Variants in EML6 observed in about 807,000 individuals in gnomAD.
EML6 encodes the protein EMAP like 6.
A neutral mutation model predicts 240.1 loss-of-function variants in EML6; 154 were observed. The observed-to-expected ratio is 0.64, with a 90% CI of 0.56 to 0.73. The LOEUF (loss-of-function observed/expected upper bound fraction) is 0.73. Ranked by LOEUF, EML6 falls within the 30% of genes least tolerant of loss-of-function variation. The pLI is 0.00. For synonymous variants in EML6, 1,148 were observed against 899.0 expected (o/e 1.28, Z -4.95); for missense variants, 2,964 against 2,474.6 (o/e 1.20, Z -4.20).
chr2:54,927,287 G>A (rs1040537626), intron 26 of EML6, among the ~76,000 whole-genome samples: 1 of 152,168 alleles, frequency 6.6e-6, no homozygotes, highest in Non-Finnish European at 1.5e-5. Flanking sequence ...GTATTACAAA[G>A]TCACGAACCC....
intron 17 of EML6, among the ~76,000 whole-genome samples, chr2:54,886,612 G>A (rs1017182470): frequency 5.3e-5 from 8 of 152,142 alleles, no homozygotes; most frequent in African/African-American, 1.9e-4. Context: ...GCCAACACTT[G>A]TTATTGTCTG....
At chr2:54,887,925 C>G (rs1573075344) in intron 17 of EML6, among the ~76,000 whole-genome samples, 1 of 152,168 alleles carries the variant, frequency 6.6e-6, no homozygotes, top group East Asian at 1.9e-4. Flanking sequence ...ATCATTATCA[C>G]CCGAAGTCCG....
chr2:54,795,149 A>G lies in EML6; in HGVS notation c.198-18083A>G, dbSNP rs1006651552. 1.1e-4 allele frequency among the ~76,000 whole-genome samples: 17 copies of G among 152,318 alleles called. No individual in the cohort carries two copies. The East Asian group carries it at 3.3e-3, about 29-fold the overall frequency. On this transcript the variant is annotated intron_variant, in intron 2 of 41. Transcript: ENST00000356458. ...AGTATAGTGAGTTTGTTTTCACACTACTATAAAGAACTACCTGAGACTGGG... is the reference window on the plus strand; with the variant it reads ...AGTATAGTGAGTTTGTTTTCACACTGCTATAAAGAACTACCTGAGACTGGG...
chr2:54,777,244 C>T (rs1170823566), intron 2 of EML6, among the ~76,000 whole-genome samples: 1 of 152,114 alleles, frequency 6.6e-6, no homozygotes. Context: ...TGCCTTCTCA[C>T]TGCCAGCAAA....
In EML6 at chr2:54,883,592, G is replaced by A. The variant is rs931119489; in HGVS notation, c.2438+3952G>A. Among the ~76,000 whole-genome samples the A allele has an allele frequency of 1.6e-4, 25 of 152,142 alleles. 1 individual carries two copies. The highest frequency in any genetic ancestry group is 4.8e-4 in the African/African-American group (20 of 41,414). On this transcript the variant is annotated intron_variant, in intron 17 of 41. Transcript: ENST00000356458. ...CTGGTGGGTTTATATGGCCCTATGCGGTGAATTCCTTGTGATGGGGCGTGA... is the reference window on the plus strand; with the variant it reads ...CTGGTGGGTTTATATGGCCCTATGCAGTGAATTCCTTGTGATGGGGCGTGA...
At chr2:54,914,712 T>A (rs1212200110) in intron 25 of EML6, among the ~76,000 whole-genome samples, 2 of 152,166 alleles carry the variant, frequency 1.3e-5, no homozygotes, top group South Asian at 2.1e-4. Context: ...AGGTAGCTCA[T>A]CATGTTAGTC....
intron 26 of EML6, among the ~76,000 whole-genome samples, chr2:54,924,539 T>C (rs990011671): frequency 6.6e-6 from 1 of 152,186 alleles, no homozygotes; most frequent in Non-Finnish European, 1.5e-5. Flanking sequence ...TTTGATAAAA[T>C]CACTTATTTT....
chr2:54,867,058 A>G (rs940871601), intron 14 of EML6, 174 bp downstream of exon 14: 7 of 471,318 alleles, frequency 1.5e-5, no homozygotes, highest in Admixed American at 1.4e-4. Context: ...GTGACTCTCT[A>G]TCCACTTCCC....
intron 12 of EML6, among the ~76,000 whole-genome samples, chr2:54,862,064 G>A (rs145335325): frequency 1.1e-3 from 174 of 152,108 alleles, no homozygotes; most frequent in Admixed American, 3.6e-3. Flanking sequence ...GGCTGAGCAC[G>A]TTGACTCATG....
chr2:54,885,396 G>A (rs1011557207), intron 17 of EML6, among the ~76,000 whole-genome samples: 4 of 151,776 alleles, frequency 2.6e-5, no homozygotes, highest in Admixed American at 2.0e-4. Context: ...GTAGTGAGCC[G>A]AGATCATGCC....
chr2:54,727,190 A>ATACT (rs1553366706), intron 2 of EML6, among the ~76,000 whole-genome samples: 1 of 151,118 alleles, frequency 6.6e-6, no homozygotes, highest in African/African-American at 2.4e-5. Context: ...AGGGAAAAAG[A>ATACT]GACAGTTAGC....
Position 54,837,184 on chromosome 2 carries a change from A to G in EML6, c.848-6863A>G, listed in dbSNP as rs562301174. Among the ~76,000 whole-genome samples the G allele has an allele frequency of 2.6e-5, 4 of 152,174 alleles. 1 individual carries two copies. In the South Asian group the frequency reaches 8.3e-4, roughly 32 times the overall value. ...GTTAGGTTTACAGGAGACAGCCACA[A>G]CCTTGTCTTGTTTCACCTTCAGTAC... On this transcript the variant is annotated intron_variant, in intron 7 of 41. Transcript: ENST00000356458.
At chr2:54,895,974 G>A (rs1238791205) in intron 21 of EML6, among the ~76,000 whole-genome samples, 2 of 152,136 alleles carry the variant, frequency 1.3e-5, no homozygotes, top group African/African-American at 4.8e-5. Flanking sequence ...CATTGCCTTT[G>A]CCATATGCTG....
At chr2:54,814,158 A>G (rs1013102440) in intron 3 of EML6, among the ~76,000 whole-genome samples, 1 of 152,230 alleles carries the variant, frequency 6.6e-6, no homozygotes, top group Admixed American at 6.5e-5. Flanking sequence ...CAACTTTTCT[A>G]GACTTTTATC....
intron 26 of EML6, among the ~76,000 whole-genome samples, chr2:54,927,206 G>C (rs1674596780): frequency 6.6e-6 from 1 of 152,324 alleles, no homozygotes; most frequent in Middle Eastern, 3.4e-3. Context: ...TCAGTACTCT[G>C]CTGAGGAGTG....
At chr2:54,835,113 A>G (rs1669072285) in intron 7 of EML6, among the ~76,000 whole-genome samples, 1 of 152,066 alleles carries the variant, frequency 6.6e-6, no homozygotes, top group Admixed American at 6.5e-5. Context: ...CTCTCCTTCA[A>G]ACCTTTGCTC....
chr2:54,809,184 C>T (rs1201841211), intron 2 of EML6, among the ~76,000 whole-genome samples: 2 of 152,158 alleles, frequency 1.3e-5, no homozygotes, highest in Non-Finnish European at 2.9e-5. Context: ...GCTAAAATAA[C>T]TTGCAAAAGT....
chr2:54,829,491 T>G lies in EML6; in HGVS notation c.847+14T>G. 1.3e-6 allele frequency: 2 copies of G among 1,540,312 alleles called. No individual in the cohort carries two copies. The highest frequency in any genetic ancestry group is 1.8e-6 in the Non-Finnish European group (2 of 1,137,548). On this transcript the variant is annotated intron_variant, in intron 7 of 41. Coordinates refer to ENST00000356458, the MANE Select transcript of EML6 (RefSeq NM_001039753.4). ...AAGGATACAAAGGTAATATATGTGT[T>G]AAGCTTACCTGTAACTCTGGATGTG...
At chr2:54,896,914 C>T (rs535703474) in intron 21 of EML6, among the ~76,000 whole-genome samples, 1 of 152,182 alleles carries the variant, frequency 6.6e-6, no homozygotes, top group East Asian at 1.9e-4. Flanking sequence ...AAACAAACCT[C>T]GAAAGCTCTG....
Sources: gnomAD v4.1 joint callset for allele counts (sites outside exome capture counted in the v4.1 genomes callset) on GRCh38, gnomAD v4.1.1 for gene constraint, MANE v1.5 for transcripts, NCBI Gene and HGNC (gene_info 2026-07-23, HGNC 2026-07-21) for gene names.